The following NELL1 variants were observed in gnomAD, a reference collection of about 807,000 sequenced individuals.
NELL1 encodes protein kinase C-binding protein NELL1.
NELL1 carries 76 observed loss-of-function variants against 107.4 expected under a neutral mutation model. The ratio of observed to expected loss-of-function variants is 0.71; its 90% CI spans 0.59 to 0.86. The LOEUF is 0.86. NELL1 is among the 40% of genes least tolerant of loss of function. NELL1 has a pLI of 0.00. For missense variants in NELL1, 1,024 were observed against 1,005.5 expected (o/e 1.02, Z -0.25); for synonymous variants, 353 against 341.2 (o/e 1.03, Z -0.38).
At chr11:21,499,296 A>G (rs940327260) in intron 15 of NELL1, among the ~76,000 whole-genome samples, 3 of 151,988 alleles carry the variant, frequency 2.0e-5, no homozygotes, top group African/African-American at 4.8e-5. Context: ...CAGAGGAGCT[A>G]TTTGTTCAAT....
chr11:21,188,755 C>A (rs1856986888), intron 13 of NELL1, among the ~76,000 whole-genome samples: 1 of 151,794 alleles, frequency 6.6e-6, no homozygotes, highest in African/African-American at 2.4e-5. Context: ...GGCTGTGTAA[C>A]CTAGGACACT....
intron 14 of NELL1, among the ~76,000 whole-genome samples, chr11:21,281,596 AC>A (rs1430908440): frequency 6.6e-6 from 1 of 152,122 alleles, no homozygotes; most frequent in African/African-American, 2.4e-5. Context: ...CAGACCTTGG[AC>A]AAGGCCCAGT....
At chr11:20,758,146 C>T (rs1014007875) in intron 2 of NELL1, among the ~76,000 whole-genome samples, 3 of 152,146 alleles carry the variant, frequency 2.0e-5, no homozygotes, top group Admixed American at 2.0e-4. Context: ...TTGAGGGCTT[C>T]AACATACGAA....
At chr11:20,933,589 C>T (rs1210590096) in intron 9 of NELL1, among the ~76,000 whole-genome samples, 1 of 152,140 alleles carries the variant, frequency 6.6e-6, no homozygotes, top group East Asian at 1.9e-4. Flanking sequence ...TCTGATCTGC[C>T]ACTCTCCTTT....
intron 15 of NELL1, among the ~76,000 whole-genome samples, chr11:21,434,121 T>C (rs1359053417): frequency 1.3e-5 from 2 of 152,214 alleles, no homozygotes; most frequent in African/African-American, 4.8e-5. Flanking sequence ...TTTTCAAATA[T>C]TTTCTTTTAT....
At chr11:20,729,643 A>G (rs549631088) in intron 2 of NELL1, among the ~76,000 whole-genome samples, 2 of 152,292 alleles carry the variant, frequency 1.3e-5, no homozygotes, top group South Asian at 2.1e-4. Flanking sequence ...GTTTAATTCT[A>G]TCTCATCTTC....
At chr11:20,984,879 G>A (rs915120061) in intron 12 of NELL1, among the ~76,000 whole-genome samples, 3 of 152,044 alleles carry the variant, frequency 2.0e-5, no homozygotes, top group Non-Finnish European at 2.9e-5. Context: ...TCCCCAAATA[G>A]CATTTCTACT....
At chr11:21,437,916 A>T (rs1384827770) in intron 15 of NELL1, among the ~76,000 whole-genome samples, 1 of 152,178 alleles carries the variant, frequency 6.6e-6, no homozygotes, top group Non-Finnish European at 1.5e-5. Context: ...ATAGGTGAAA[A>T]GTTACTTCTG....
intron 12 of NELL1, among the ~76,000 whole-genome samples, chr11:20,963,362 C>T (rs971352321): frequency 2.0e-5 from 3 of 152,034 alleles, no homozygotes; most frequent in Non-Finnish European, 4.4e-5. Flanking sequence ...CACTTCTAGA[C>T]CGATGTTTGA....
intron 17 of NELL1, 77 bp downstream of exon 17, chr11:21,560,459 C>G: frequency 7.1e-6 from 9 of 1,273,482 alleles, no homozygotes; most frequent in Non-Finnish European, 9.6e-6. Context: ...CCCCAGCTCT[C>G]TCCCTCTTGC....
In NELL1 at chr11:21,375,594, A is replaced by G. The variant is rs183335748; in HGVS notation, c.1645+4646A>G. 4.0e-3 allele frequency among the ~76,000 whole-genome samples: 613 copies of G among 152,294 alleles called. 2 individuals carry two copies. Among genetic ancestry groups the G allele is most frequent in the African/African-American group, 0.014 (595 of 41,574 alleles). Reference sequence around the variant, plus strand: ...TACAGTAATGGGATTGCTGGATCAAATAGTAGTTTTAAGTTCTTTGAGATA... The same window carrying G: ...TACAGTAATGGGATTGCTGGATCAAGTAGTAGTTTTAAGTTCTTTGAGATA... On this transcript the variant is annotated intron_variant, in intron 15 of 19. Transcript: ENST00000357134.
intron 7 of NELL1, 179 bp from the exon 8 acceptor site, chr11:20,927,129 T>A (rs953972817): frequency 3.6e-6 from 2 of 560,694 alleles, no homozygotes; most frequent in Admixed American, 3.7e-5. Flanking sequence ...CAATTTAGAG[T>A]GATTCCACCT....
intron 14 of NELL1, among the ~76,000 whole-genome samples, chr11:21,262,822 C>G (rs753342607): frequency 4.6e-5 from 7 of 151,846 alleles, no homozygotes; most frequent in Admixed American, 6.6e-5. Context: ...GACATGATAT[C>G]TTTGGTGACT....
chr11:20,806,055 GT>G (rs200685925), intron 3 of NELL1, among the ~76,000 whole-genome samples: 1 of 149,270 alleles, frequency 6.7e-6, no homozygotes, highest in African/African-American at 2.5e-5. Flanking sequence ...AATATCCTGT[GT>G]TTTTTTGTGT....
intron 15 of NELL1, among the ~76,000 whole-genome samples, chr11:21,486,188 C>A (rs117532683): frequency 1.3e-5 from 2 of 152,092 alleles, no homozygotes; most frequent in South Asian, 2.1e-4. Flanking sequence ...CCTGGACTTA[C>A]GAACACTAGA....
intron 13 of NELL1, among the ~76,000 whole-genome samples, chr11:21,161,289 G>T (rs1856363017): frequency 6.6e-6 from 1 of 152,162 alleles, no homozygotes; most frequent in Non-Finnish European, 1.5e-5. Flanking sequence ...CATAATACCA[G>T]CACCTTGGGA....
chr11:20,974,463 T>C (rs982350255), intron 12 of NELL1, among the ~76,000 whole-genome samples: 3 of 152,168 alleles, frequency 2.0e-5, no homozygotes, highest in Non-Finnish European at 2.9e-5. Context: ...ATAACTCCAA[T>C]TGATTCCTGT....
chr11:21,281,785 C>T (rs1429534950), intron 14 of NELL1, among the ~76,000 whole-genome samples: 1 of 152,204 alleles, frequency 6.6e-6, no homozygotes, highest in African/African-American at 2.4e-5. Flanking sequence ...CGGATCTCAT[C>T]TAAGACCATT....
rs937953850 is a variant in NELL1, at chr11:20,888,629, A to G, written c.603+3089A>G. Reference sequence around the variant, plus strand: ...ACTGAAAGAACAATGAAATAAAAGTATATGTTGTTGATTTCACATAGAAAT... The same window carrying G: ...ACTGAAAGAACAATGAAATAAAAGTGTATGTTGTTGATTTCACATAGAAAT... On this transcript the variant is annotated intron_variant, in intron 5 of 19. Coordinates refer to ENST00000357134, the MANE Select transcript of NELL1 (RefSeq NM_006157.5). Among the ~76,000 whole-genome samples, 6 of 152,206 alleles carry G rather than the reference A, an allele frequency of 3.9e-5. No individual in the cohort carries two copies. The East Asian group carries it at 9.6e-4, about 24-fold the overall frequency.
Sources: gnomAD v4.1 joint callset for allele counts (sites outside exome capture counted in the v4.1 genomes callset) on GRCh38, gnomAD v4.1.1 for gene constraint, MANE v1.5 for transcripts, NCBI Gene and HGNC (gene_info 2026-07-23, HGNC 2026-07-21) for gene names.